The following IPO5 variants were observed in gnomAD, a reference collection of about 807,000 sequenced individuals.
IPO5 encodes the protein importin 5.
In IPO5, 18 loss-of-function variants were observed where a neutral mutation model predicts 143.3. The observed-to-expected ratio is 0.13, with a 90% CI of 0.09 to 0.19. The LOEUF is 0.19. IPO5 is among the 10% of genes least tolerant of loss of function. The pLI is 1.00. For missense variants in IPO5, 1,013 were observed against 1,336.9 expected, an observed-to-expected ratio of 0.76 and a Z score of 3.78; for synonymous variants, 477 against 465.7, an observed-to-expected ratio of 1.02 and a Z score of -0.31.
intron 2 of IPO5, among the ~76,000 whole-genome samples, chr13:97,956,124 T>G (rs2139458500): frequency 7.2e-6 from 1 of 138,088 alleles, no homozygotes; most frequent in East Asian, 2.0e-4. Context: ...AGTGCGAGAC[T>G]CCGTGTCAAA....
chr13:97,996,294 TCCCA>T (rs2139729320), intron 11 of IPO5, among the ~76,000 whole-genome samples: 1 of 152,174 alleles, frequency 6.6e-6, no homozygotes, highest in African/African-American at 2.4e-5. Flanking sequence ...CAAGGGATCC[TCCCA>T]CCTAAGCCTC....
intron 20 of IPO5, 22 bp downstream of exon 20, chr13:98,010,246 T>C (rs766733962): frequency 6.2e-7 from 1 of 1,604,552 alleles, no homozygotes; most frequent in East Asian, 2.2e-5. Context: ...CTGTTTTTAC[T>C]AAACTTTTAT....
chr13:97,968,723 C>T (rs538388663), intron 2 of IPO5, among the ~76,000 whole-genome samples: 64 of 152,226 alleles, frequency 4.2e-4, no homozygotes, highest in African/African-American at 1.5e-3. Context: ...TGGAGTCTTG[C>T]TCCGTCACCC....
chr13:97,998,943 G>C (rs1258366544), intron 12 of IPO5, among the ~76,000 whole-genome samples: 7 of 152,084 alleles, frequency 4.6e-5, no homozygotes, highest in African/African-American at 1.7e-4. Flanking sequence ...AGGAGTTCGA[G>C]ACCAGCCTGA....
Position 97,976,986 on chromosome 13 carries a change from C to T in IPO5, c.90+200C>T, listed in dbSNP as rs1215349670. 2.1e-5 allele frequency: 4 copies of T among 189,986 alleles called. No individual in the cohort carries two copies. The East Asian group carries it at 5.4e-4, about 26-fold the overall frequency. 11.8% of individuals were successfully genotyped at this position (189,986 alleles called of 1,614,324 possible). ...GCTTTTCCGGCCATTGCTGCCGCGG[C>T]GCCTGGCACCAGTTACCTCCCCGCC... is the stretch of plus-strand genomic sequence containing the variant. On this transcript the variant is annotated intron_variant, in intron 4 of 28. Transcript: ENST00000651721.
chr13:98,004,622 A>G (rs984056268), intron 16 of IPO5, among the ~76,000 whole-genome samples: 1 of 152,162 alleles, frequency 6.6e-6, no homozygotes, highest in African/African-American at 2.4e-5. Flanking sequence ...GACAGTGTTC[A>G]CGAGGAAGAG....
At chr13:98,000,891 A>G in intron 13 of IPO5, 1 of 521,168 alleles carries the variant, frequency 1.9e-6, no homozygotes, top group South Asian at 2.5e-5. Flanking sequence ...ATGGAATATT[A>G]GAATGTTTGA....
At position 97,992,949 on chromosome 13, in the gene IPO5, A is replaced by T. The variant is rs761075755; in HGVS notation, c.727A>T (p.Ile243Phe). Residue 243 changes from isoleucine (I) to phenylalanine (F), a missense_variant, in exon 10 of 29, where the codon ATT becomes TTT. Transcript: ENST00000651721. ...TTCTGTCCTAAAATCCCTCGTTGAG[A>T]TTGCAGATACTGTTCCAAAGTATTT... ...DDSVLKSLVE[I>F]ADTVPKYLRP... is the part of the protein sequence containing the mutation. The T allele has an allele frequency of 1.2e-6, 2 of 1,613,758 alleles. No homozygotes were observed. The highest frequency in any genetic ancestry group is 1.7e-6 in the Non-Finnish European group (2 of 1,179,764).
chr13:97,987,192 C>G (rs990453192), intron 6 of IPO5: 3 of 163,698 alleles, frequency 1.8e-5, no homozygotes, highest in African/African-American at 7.3e-5. Flanking sequence ...TCCATGGTGT[C>G]TTGGGTTTTG....
chr13:98,008,873 C>T (rs1433906713), intron 18 of IPO5, among the ~76,000 whole-genome samples: 1 of 152,190 alleles, frequency 6.6e-6, no homozygotes, highest in African/African-American at 2.4e-5. Context: ...TAAATTTTGA[C>T]TTTACATTGC....
intron 2 of IPO5, among the ~76,000 whole-genome samples, chr13:97,954,502 T>C (rs7996809): frequency 0.083 from 12,637 of 152,232 alleles, 1,449 homozygotes; most frequent in African/African-American, 0.26. Flanking sequence ...CTGTACATTA[T>C]GGTTGTATTC....
intron 28 of IPO5, 155 bp downstream of exon 28, chr13:98,021,288 A>AG: frequency 1.5e-5 from 9 of 585,706 alleles, no homozygotes; most frequent in Non-Finnish European, 2.5e-5. Context: ...ATTATACTTA[A>AG]TGTAATCCAT....
chr13:98,002,652 T>G, intron 14 of IPO5, 32 bp from the exon 15 acceptor site: 1 of 1,607,084 alleles, frequency 6.2e-7, no homozygotes, highest in Non-Finnish European at 8.5e-7. Flanking sequence ...GAAACCTTCT[T>G]GCTTTTACTA....
chr13:97,995,786 G>A (rs991877756), intron 11 of IPO5, among the ~76,000 whole-genome samples: 2 of 151,660 alleles, frequency 1.3e-5, no homozygotes, highest in African/African-American at 4.8e-5. Flanking sequence ...AATAATTTGG[G>A]GTCTACTCAA....
In IPO5 at chr13:98,015,657, T is replaced by C. The variant is rs763484784; in HGVS notation, c.2437+16T>C. ...TTACGACAAGGTAAGTTTTCCATGC[T>C]TTTATTTCTGAATATAATCCTTGAC... On this transcript the variant is annotated intron_variant, in intron 23 of 28. Coordinates refer to ENST00000651721, the MANE Select transcript of IPO5 (RefSeq NM_002271.6). 5 of 1,590,120 alleles carry C rather than the reference T, an allele frequency of 3.1e-6. No individual in the cohort carries two copies. The Admixed American group carries it at 8.6e-5, about 27-fold the overall frequency.
intron 4 of IPO5, chr13:97,981,329 CA>C (rs1886829866): frequency 2.2e-6 from 1 of 446,958 alleles, no homozygotes; most frequent in South Asian, 1.6e-5. Context: ...CTTTCAGTAC[CA>C]GAGAGATTTT....
chr13:97,976,567 C>T (rs1043868116), intron 3 of IPO5, 126 bp from the exon 4 acceptor site: 6 of 182,448 alleles, frequency 3.3e-5, no homozygotes, highest in Non-Finnish European at 6.6e-5. Context: ...TCCCGCGCGG[C>T]CCCCCGCAAG....
At chr13:97,974,624 C>G (rs1886107370) in intron 3 of IPO5, among the ~76,000 whole-genome samples, 1 of 151,012 alleles carries the variant, frequency 6.6e-6, no homozygotes, top group Non-Finnish European at 1.5e-5. Context: ...ATTCTTAAAA[C>G]CTTAATAACC....
intron 2 of IPO5, among the ~76,000 whole-genome samples, chr13:97,960,801 C>CA (rs1486266096): frequency 1.3e-5 from 2 of 152,158 alleles, no homozygotes; most frequent in Admixed American, 6.5e-5. Flanking sequence ...TCAGGTGATC[C>CA]ACTCGCCTGA....
Sources: allele counts gnomAD v4.1 joint callset (sites outside exome capture counted in the v4.1 genomes callset), GRCh38; gene constraint gnomAD v4.1.1; transcripts MANE v1.5; gene names NCBI Gene and HGNC (gene_info 2026-07-23, HGNC 2026-07-21).